MYO5B: variants seen among roughly 807,000 people sequenced by gnomAD.
MYO5B encodes unconventional myosin-Vb.
MYO5B carries 143 observed loss-of-function variants against 229.3 expected under a neutral mutation model. The ratio of observed to expected loss-of-function variants is 0.62; its 90% CI spans 0.54 to 0.72. The LOEUF (loss-of-function observed/expected upper bound fraction) is 0.72. Among genes scored for constraint, MYO5B ranks in the 30% least tolerant of loss-of-function variants. MYO5B has a pLI of 0.00. For missense variants in MYO5B, 2,321 were observed against 2,331.0 expected, an observed-to-expected ratio of 1.00 and a Z score of 0.09; for synonymous variants, 918 against 885.2, an observed-to-expected ratio of 1.04 and a Z score of -0.66.
intron 1 of MYO5B, among the ~76,000 whole-genome samples, chr18:50,082,627 T>C (rs1320325108): frequency 6.6e-6 from 1 of 152,194 alleles, no homozygotes; most frequent in African/African-American, 2.4e-5. Context: ...ATACTAACTG[T>C]AGGATTGGGA....
intron 33 of MYO5B, among the ~76,000 whole-genome samples, chr18:49,843,782 G>A (rs1445976889): frequency 6.6e-6 from 1 of 152,220 alleles, no homozygotes; most frequent in South Asian, 2.1e-4. Flanking sequence ...TCCCACATGG[G>A]GGCAGGAACT....
intron 1 of MYO5B, chr18:50,063,811 C>T (rs555539066): frequency 6.6e-6 from 1 of 152,304 alleles, no homozygotes; most frequent in South Asian, 2.1e-4. Flanking sequence ...TTCCATTTAT[C>T]ACACATTCTA....
chr18:49,863,389 T>A, intron 28 of MYO5B, 62 bp from the exon 29 acceptor site: 1 of 1,384,202 alleles, frequency 7.2e-7, no homozygotes, highest in East Asian at 2.3e-5. Context: ...TGGCTTTATA[T>A]ACAAACAGGT....
At chr18:49,909,805 A>G (rs1305421116) in intron 18 of MYO5B, among the ~76,000 whole-genome samples, 1 of 152,204 alleles carries the variant, frequency 6.6e-6, no homozygotes, top group Non-Finnish European at 1.5e-5. Flanking sequence ...TCAGGCAGGC[A>G]AAAGAGGGGA....
At chr18:49,984,580 G>T in intron 8 of MYO5B, 138 bp downstream of exon 8, 1 of 726,428 alleles carries the variant, frequency 1.4e-6, no homozygotes, top group East Asian at 2.6e-5. Flanking sequence ...AGTAAGAGAT[G>T]ACATTCACCA....
chr18:50,127,477 G>A lies in MYO5B; in HGVS notation c.27+67290C>T, dbSNP rs900909570. 3.9e-5 allele frequency among the ~76,000 whole-genome samples: 6 copies of A among 152,324 alleles called. No individual in the cohort carries two copies. The East Asian group carries it at 9.6e-4, about 24-fold the overall frequency. ...AAGAGTGGTCAAACTCATGGTATCT[G>A]CCACCCTTCACACCTGGTAGAGGAG... On this transcript the variant is annotated intron_variant, in intron 1 of 39. Transcript: ENST00000285039.
chr18:50,193,889 C>T (rs1256398049), intron 1 of MYO5B, among the ~76,000 whole-genome samples: 2 of 152,250 alleles, frequency 1.3e-5, no homozygotes, highest in African/African-American at 4.8e-5. Flanking sequence ...TGGCTTGTCC[C>T]TAACTTTAAC....
intron 1 of MYO5B, among the ~76,000 whole-genome samples, chr18:50,059,289 A>G (rs764032194): frequency 3.9e-5 from 6 of 152,242 alleles, no homozygotes; most frequent in African/African-American, 7.2e-5. Context: ...AAGTATGAAC[A>G]TGGAGATGTA....
intron 5 of MYO5B, among the ~76,000 whole-genome samples, chr18:49,997,876 G>T (rs60511379): frequency 6.6e-6 from 1 of 152,098 alleles, no homozygotes; most frequent in Admixed American, 6.5e-5. Flanking sequence ...GACCATAACC[G>T]ATTGCTTTGT....
chr18:50,126,446 A>T (rs938145819), intron 1 of MYO5B: 1 of 154,836 alleles, frequency 6.5e-6, no homozygotes, highest in Non-Finnish European at 1.5e-5. Context: ...CAAAGTGAAG[A>T]ATGGAGCTAA....
intron 7 of MYO5B, among the ~76,000 whole-genome samples, chr18:49,985,976 G>A (rs1189749387): frequency 2.6e-5 from 4 of 152,052 alleles, no homozygotes; most frequent in Non-Finnish European, 5.9e-5. Context: ...CAATCTCTCT[G>A]CTTCTGCACC....
At chr18:49,855,144 T>C (rs1422565699) in intron 30 of MYO5B, among the ~76,000 whole-genome samples, 1 of 152,224 alleles carries the variant, frequency 6.6e-6, no homozygotes, top group Non-Finnish European at 1.5e-5. Context: ...AAGTTATACA[T>C]TTAATGAGAG....
intron 1 of MYO5B, among the ~76,000 whole-genome samples, chr18:50,187,709 G>C (rs1387129818): frequency 6.6e-6 from 1 of 152,140 alleles, no homozygotes; most frequent in Non-Finnish European, 1.5e-5. Flanking sequence ...TAGAGATGAG[G>C]TCTCGCTATG....
chr18:50,169,815 G>A (rs2032901347), intron 1 of MYO5B, among the ~76,000 whole-genome samples: 1 of 127,214 alleles, frequency 7.9e-6, no homozygotes, highest in Non-Finnish European at 1.7e-5. Flanking sequence ...AGAAATTTTT[G>A]CTCTTCACCT....
At chr18:50,186,612 G>A (rs1485669837) in intron 1 of MYO5B, among the ~76,000 whole-genome samples, 2 of 152,196 alleles carry the variant, frequency 1.3e-5, no homozygotes, top group East Asian at 3.9e-4. Context: ...AGGGTTAGGG[G>A]AAAAAACATG....
At chr18:50,095,114 GCCA>G (rs545199736) in intron 1 of MYO5B, among the ~76,000 whole-genome samples, 266 of 152,304 alleles carry the variant, frequency 1.7e-3, no homozygotes, top group African/African-American at 5.7e-3. Context: ...ACAGGTGTGA[GCCA>G]CCACAACTGG....
intron 35 of MYO5B, among the ~76,000 whole-genome samples, chr18:49,839,587 G>A (rs1255267162): frequency 6.6e-6 from 1 of 152,226 alleles, no homozygotes; most frequent in African/African-American, 2.4e-5. Flanking sequence ...TTGGTACCAG[G>A]TCCAGAGAAA....
intron 33 of MYO5B, among the ~76,000 whole-genome samples, chr18:49,846,363 A>C (rs1012630843): frequency 2.6e-5 from 4 of 152,286 alleles, no homozygotes; most frequent in Admixed American, 1.3e-4. Context: ...GCTGATGCTG[A>C]TGCTGCTGGT....
At chr18:50,090,110 G>C (rs2031416279) in intron 1 of MYO5B, among the ~76,000 whole-genome samples, 2 of 152,042 alleles carry the variant, frequency 1.3e-5, no homozygotes, top group African/African-American at 4.8e-5. Context: ...CTTCCTCCTT[G>C]CCTATTAAAT....
Sources: allele counts gnomAD v4.1 joint callset (sites outside exome capture counted in the v4.1 genomes callset), GRCh38; gene constraint gnomAD v4.1.1; transcripts MANE v1.5; gene names NCBI Gene and HGNC (gene_info 2026-07-23, HGNC 2026-07-21).